SLCO3A1: variants seen among roughly 807,000 people sequenced by gnomAD.
The protein encoded by SLCO3A1 is PGE1 transporter.
In SLCO3A1, 27 loss-of-function variants were observed where a neutral mutation model predicts 63.1. That is an observed-to-expected ratio of 0.43 (90% CI 0.32 to 0.59). The LOEUF is 0.59. Ranked by LOEUF, SLCO3A1 falls within the 20% of genes least tolerant of loss-of-function variation. SLCO3A1 has a pLI of 0.09. For missense variants in SLCO3A1, 773 were observed against 945.8 expected (o/e 0.82, Z 2.40); for synonymous variants, 473 against 409.9 (o/e 1.15, Z -1.86).
intron 2 of SLCO3A1, among the ~76,000 whole-genome samples, chr15:92,039,309 A>G (rs7164114): frequency 0.015 from 2,291 of 152,304 alleles, 52 homozygotes; most frequent in African/African-American, 0.053. Flanking sequence ...AATGGAAGAA[A>G]AATTTTGCAA....
intron 4 of SLCO3A1, among the ~76,000 whole-genome samples, chr15:92,110,039 C>T (rs974121094): frequency 3.3e-5 from 5 of 152,216 alleles, no homozygotes; most frequent in African/African-American, 1.2e-4. Flanking sequence ...CAGGCTGGGG[C>T]CCGTGTAACA....
In SLCO3A1 at chr15:92,165,894, A is replaced by G; in HGVS notation, c.*2759A>G. ...AAAATGTACGGGATGGAATAAACCT[A>G]GAAAGTGAATGCTAGAGTTCTCTCT... On this transcript the variant is annotated 3_prime_UTR_variant, in exon 10 of 10. Transcript: ENST00000318445. 1 of 985,398 alleles carries G rather than the reference A, an allele frequency of 1.0e-6. No homozygotes were observed. Among genetic ancestry groups the G allele is most frequent in the Non-Finnish European group, 1.2e-6 (1 of 829,888 alleles). 61.0% of individuals were successfully genotyped at this position (985,398 alleles called of 1,614,324 possible).
At chr15:92,171,155 A>G (rs2048519038) in intron 10 of SLCO3A1, 2 of 152,332 alleles carry the variant, frequency 1.3e-5, no homozygotes, top group East Asian at 1.9e-4. Flanking sequence ...GTCACAATCA[A>G]TGAGACCTGC....
intron 2 of SLCO3A1, among the ~76,000 whole-genome samples, chr15:91,981,378 C>T (rs570901280): frequency 5.3e-5 from 8 of 152,142 alleles, no homozygotes; most frequent in Non-Finnish European, 8.8e-5. Context: ...TCGGAATCCG[C>T]GCGTATCTCA....
intron 2 of SLCO3A1, among the ~76,000 whole-genome samples, chr15:91,947,075 G>A (rs995410979): frequency 6.6e-6 from 1 of 152,232 alleles, no homozygotes; most frequent in Non-Finnish European, 1.5e-5. Context: ...ACCACAGGAT[G>A]TTATTTTGGC....
chr15:91,888,376 G>A (rs1029768155), intron 1 of SLCO3A1, among the ~76,000 whole-genome samples: 11 of 152,108 alleles, frequency 7.2e-5, no homozygotes, highest in African/African-American at 2.7e-4. Context: ...ACTTGCTGTT[G>A]CCCTTTGCTC....
Position 91,949,410 on chromosome 15 carries a change from G to A in SLCO3A1, c.646+32952G>A, listed in dbSNP as rs571934581. On this transcript the variant is annotated intron_variant, in intron 2 of 9. Transcript: ENST00000318445. Reference sequence around the variant, plus strand: ...TTTGGGAGGCTGAGACAGGCAAATCGCTTGAGGCCAGGAGTTTGAGACCAG... The same window carrying A: ...TTTGGGAGGCTGAGACAGGCAAATCACTTGAGGCCAGGAGTTTGAGACCAG... Among the ~76,000 whole-genome samples the A allele has an allele frequency of 2.0e-5, 3 of 152,188 alleles. No homozygotes were observed. In the East Asian group the frequency reaches 5.8e-4, roughly 30 times the overall value.
chr15:91,872,484 A>G lies in SLCO3A1; in HGVS notation c.180+18396A>G, dbSNP rs1292760777. The stretch of plus-strand genomic sequence containing the variant: ...GAGGCGGATAGGTTGCAGTGAGCCG[A>G]GACCATGCCACCGCACTCCAGCCAG... On this transcript the variant is annotated intron_variant, in intron 1 of 9. Coordinates refer to ENST00000318445, the MANE Select transcript of SLCO3A1 (RefSeq NM_013272.4). This position sits in a 1 kb window ranked among gnomAD's most constrained non-coding sequence, Gnocchi z 4.1. Among the ~76,000 whole-genome samples the G allele has an allele frequency of 2.6e-5, 4 of 152,028 alleles. No homozygotes were observed. The highest frequency in any genetic ancestry group is 4.4e-5 in the Non-Finnish European group (3 of 67,986).
rs1489232577 is a variant in SLCO3A1 at position 91,859,973 on chromosome 15, A to C, written c.180+5885A>C. ...AGGTAAAAAGTTTTTAAGGGCAAGT[A>C]ATAAGCTAAATATCAGTTGCTAATT... On this transcript the variant is annotated intron_variant, in intron 1 of 9. Coordinates refer to ENST00000318445, the MANE Select transcript of SLCO3A1 (RefSeq NM_013272.4). This position sits in a 1 kb window ranked among gnomAD's most constrained non-coding sequence, Gnocchi z 5.1. Among the ~76,000 whole-genome samples the C allele has an allele frequency of 6.6e-6, 1 of 152,232 alleles. No individual in the cohort carries two copies. Among genetic ancestry groups the C allele is most frequent in the Non-Finnish European group, 1.5e-5 (1 of 68,044 alleles).
chr15:91,974,495 T>A (rs937443625), intron 2 of SLCO3A1, among the ~76,000 whole-genome samples: 9 of 152,008 alleles, frequency 5.9e-5, no homozygotes, highest in African/African-American at 2.2e-4. Context: ...GGTGAGTCAC[T>A]GCTGGAAACT....
chr15:91,947,502 G>A (rs925076576), intron 2 of SLCO3A1, among the ~76,000 whole-genome samples: 3 of 152,114 alleles, frequency 2.0e-5, no homozygotes, highest in Admixed American at 6.5e-5. Flanking sequence ...GTGTTTTTGT[G>A]GGGTGAGGAG....
At chr15:92,148,821 A>C (rs1371039844) in intron 8 of SLCO3A1, 1 of 152,350 alleles carries the variant, frequency 6.6e-6, no homozygotes. Flanking sequence ...ATAGTGAGTT[A>C]AATTATGGCA....
chr15:92,127,533 G>A (rs7402086), intron 6 of SLCO3A1, among the ~76,000 whole-genome samples: 75,830 of 151,862 alleles, frequency 0.5, 19,555 homozygotes, highest in Middle Eastern at 0.55. Flanking sequence ...AGTGCATGAC[G>A]CATAAATTGC....
intron 2 of SLCO3A1, among the ~76,000 whole-genome samples, chr15:92,091,786 A>G (rs1300802366): frequency 6.6e-6 from 1 of 152,132 alleles, no homozygotes; most frequent in African/African-American, 2.4e-5. Flanking sequence ...ACGTGTGCAC[A>G]ATGTCTTTGG....
chr15:91,873,563 CACAT>C lies in SLCO3A1; in HGVS notation c.180+19490_180+19493del, dbSNP rs1260068644. The stretch of plus-strand genomic sequence containing the variant: ...ACACACACACACACACACACACACA[CACAT>C]ACATACATACATACTTTATTTCAGG... On this transcript the variant is annotated intron_variant, in intron 1 of 9. Coordinates refer to ENST00000318445, the MANE Select transcript of SLCO3A1 (RefSeq NM_013272.4). Among the ~76,000 whole-genome samples, 509 of 146,384 alleles carry C rather than the reference CACAT, an allele frequency of 3.5e-3. 3 individuals carry two copies. The highest frequency in any genetic ancestry group is 0.012 in the African/African-American group (468 of 38,760).
intron 2 of SLCO3A1, among the ~76,000 whole-genome samples, chr15:91,995,985 C>T (rs1208291366): frequency 2.6e-5 from 4 of 152,104 alleles, no homozygotes; most frequent in African/African-American, 9.7e-5. Context: ...TAAGGATGCT[C>T]TCTTTTACCT....
chr15:92,072,008 C>T (rs2047221117), intron 2 of SLCO3A1, among the ~76,000 whole-genome samples: 1 of 152,198 alleles, frequency 6.6e-6, no homozygotes, highest in Non-Finnish European at 1.5e-5. Context: ...ATCGGTTCTT[C>T]CCTATGACGC....
intron 1 of SLCO3A1, among the ~76,000 whole-genome samples, chr15:91,910,913 A>G (rs942630738): frequency 6.6e-6 from 1 of 152,232 alleles, no homozygotes; most frequent in African/African-American, 2.4e-5. Flanking sequence ...CAGAGTGAGA[A>G]GATGGACACA....
chr15:91,958,142 A>G (rs1900307265), intron 2 of SLCO3A1, among the ~76,000 whole-genome samples: 1 of 152,238 alleles, frequency 6.6e-6, no homozygotes, highest in South Asian at 2.1e-4. Flanking sequence ...TAGGTATGTC[A>G]TGAATGCATA....
Sources: allele counts gnomAD v4.1 joint callset (sites outside exome capture counted in the v4.1 genomes callset), GRCh38; gene constraint gnomAD v4.1.1; non-coding constraint Gnocchi (gnomAD v3.1); transcripts MANE v1.5; gene names NCBI Gene and HGNC (gene_info 2026-07-23, HGNC 2026-07-21).